The following TMEM178B variants were observed in gnomAD, a reference collection of about 807,000 sequenced individuals.
TMEM178B encodes transmembrane protein 178B.
Under a neutral mutation model 31.0 loss-of-function variants are expected in TMEM178B, and 5 were observed. That is an observed-to-expected ratio of 0.16 (90% CI 0.08 to 0.34). The LOEUF (loss-of-function observed/expected upper bound fraction) is 0.34, where lower values mean the gene tolerates loss of function less well. Ranked by LOEUF, TMEM178B falls within the 10% of genes least tolerant of loss-of-function variation. The probability of loss-of-function intolerance (pLI) is 1.00; values close to 1 mark genes in which losing one functional copy is unlikely to be tolerated. For missense variants in TMEM178B, 275 were observed against 400.3 expected (o/e 0.69, Z 2.67); for synonymous variants, 164 against 164.0 (o/e 1.00, Z 0.00).
At chr7:141,149,415 G>A (rs1241205075) in intron 1 of TMEM178B, among the ~76,000 whole-genome samples, 2 of 152,156 alleles carry the variant, frequency 1.3e-5, no homozygotes, top group East Asian at 1.9e-4. Flanking sequence ...GAGCATGGTG[G>A]TGTACGCTTG....
intron 3 of TMEM178B, among the ~76,000 whole-genome samples, chr7:141,443,706 G>T (rs1801702759): frequency 6.6e-6 from 1 of 152,150 alleles, no homozygotes; most frequent in Non-Finnish European, 1.5e-5. Flanking sequence ...ACCACATGCA[G>T]CCCACGCTTG....
intron 2 of TMEM178B, among the ~76,000 whole-genome samples, chr7:141,427,649 AT>A (rs950592888): frequency 6.6e-6 from 1 of 151,732 alleles, no homozygotes; most frequent in African/African-American, 2.4e-5. Flanking sequence ...CTGGGCAAGG[AT>A]TTTTTTTTAT....
rs115183021 is a variant in TMEM178B at position 141,244,256 on chromosome 7, A to G, written c.496+31552A>G. On this transcript the variant is annotated intron_variant, in intron 2 of 3. Transcript: ENST00000565468. ...TATGTAACATAACTGACGGTGTAAA[A>G]CGTAACTCACGAAACAGGTAACTGT... Among the ~76,000 whole-genome samples the G allele has an allele frequency of 7.0e-3, 1,067 of 152,302 alleles. 12 individuals carry two copies. The highest frequency in any genetic ancestry group is 0.024 in the African/African-American group (1,011 of 41,556).
At chr7:141,436,548 A>G (rs1801544921) in intron 2 of TMEM178B, among the ~76,000 whole-genome samples, 2 of 151,688 alleles carry the variant, frequency 1.3e-5, no homozygotes, top group Middle Eastern at 3.4e-3. Context: ...GGTGAAGGGT[A>G]GAGGGGTGGG....
At chr7:141,292,555 A>ATT (rs1455078741) in intron 2 of TMEM178B, among the ~76,000 whole-genome samples, 2 of 151,880 alleles carry the variant, frequency 1.3e-5, no homozygotes, top group Non-Finnish European at 2.9e-5. Flanking sequence ...CGCATCACTA[A>ATT]TGAACCAATA....
At chr7:141,264,632 T>A (rs531000706) in intron 2 of TMEM178B, among the ~76,000 whole-genome samples, 12 of 151,860 alleles carry the variant, frequency 7.9e-5, no homozygotes, top group African/African-American at 2.7e-4. Context: ...CTGTTCTAGG[T>A]TGTGATTTAC....
intron 2 of TMEM178B, among the ~76,000 whole-genome samples, chr7:141,371,544 A>T (rs1283594175): frequency 6.6e-6 from 1 of 152,234 alleles, no homozygotes; most frequent in Non-Finnish European, 1.5e-5. Context: ...GACACTGTAG[A>T]TACGGAATAA....
chr7:141,215,828 TTCTTTC>T (rs1450561183), intron 2 of TMEM178B, among the ~76,000 whole-genome samples: 2 of 48,910 alleles, frequency 4.1e-5, no homozygotes, highest in African/African-American at 1.0e-4. Context: ...CTTTCTTTCT[TTCTTTC>T]TTTCTTTTCT....
intron 3 of TMEM178B, among the ~76,000 whole-genome samples, chr7:141,440,848 C>T (rs186319212): frequency 6.6e-6 from 1 of 152,248 alleles, no homozygotes; most frequent in East Asian, 1.9e-4. Flanking sequence ...TGTCCTGGTG[C>T]GTTGTTACTT....
At chr7:141,197,039 C>G (rs903650080) in intron 1 of TMEM178B, among the ~76,000 whole-genome samples, 3 of 152,158 alleles carry the variant, frequency 2.0e-5, no homozygotes, top group Non-Finnish European at 4.4e-5. Context: ...TTTGTTAAAC[C>G]ATGACAGATT....
chr7:141,294,452 T>A (rs1405903783), intron 2 of TMEM178B, among the ~76,000 whole-genome samples: 1 of 152,210 alleles, frequency 6.6e-6, no homozygotes, highest in African/African-American at 2.4e-5. Flanking sequence ...CTGGCTGGAC[T>A]ATGTACATAA....
At chr7:141,362,684 T>TTC (rs1282770737) in intron 2 of TMEM178B, among the ~76,000 whole-genome samples, 2 of 152,190 alleles carry the variant, frequency 1.3e-5, no homozygotes, top group Non-Finnish European at 2.9e-5. Context: ...TTTGCTGGCA[T>TTC]TCTGGCTGAA....
At chr7:141,369,772 C>T (rs953737289) in intron 2 of TMEM178B, among the ~76,000 whole-genome samples, 6 of 152,170 alleles carry the variant, frequency 3.9e-5, no homozygotes, top group Non-Finnish European at 5.9e-5. Context: ...GCCGGGATTA[C>T]TTCCTACCTT....
chr7:141,097,637 T>G (rs1218345076), intron 1 of TMEM178B, among the ~76,000 whole-genome samples: 1 of 151,662 alleles, frequency 6.6e-6, no homozygotes, highest in African/African-American at 2.4e-5. Flanking sequence ...CCTGAAATCT[T>G]TAGCATTTTC....
intron 1 of TMEM178B, among the ~76,000 whole-genome samples, chr7:141,090,288 G>T (rs1794860856): frequency 6.6e-6 from 1 of 152,116 alleles, no homozygotes; most frequent in South Asian, 2.1e-4. Flanking sequence ...GACCTCAAGG[G>T]GTCCTCCCAC....
At chr7:141,464,463 T>C (rs868572130) in intron 3 of TMEM178B, among the ~76,000 whole-genome samples, 1 of 152,212 alleles carries the variant, frequency 6.6e-6, no homozygotes, top group Non-Finnish European at 1.5e-5. Flanking sequence ...CTCAGTCTGA[T>C]ACTATTTTCA....
chr7:141,460,547 G>A (rs189384427), intron 3 of TMEM178B, among the ~76,000 whole-genome samples: 2 of 152,326 alleles, frequency 1.3e-5, no homozygotes, highest in Non-Finnish European at 1.5e-5. Context: ...AAAAACCAAG[G>A]GAGAAGACTC....
intron 2 of TMEM178B, among the ~76,000 whole-genome samples, chr7:141,383,167 T>TC (rs1014517121): frequency 6.6e-5 from 10 of 152,182 alleles, no homozygotes; most frequent in Admixed American, 6.5e-4. Context: ...TTTCTTTCTT[T>TC]TTTTTTAAAG....
intron 2 of TMEM178B, among the ~76,000 whole-genome samples, chr7:141,335,819 C>G (rs1799376373): frequency 6.6e-6 from 1 of 151,962 alleles, no homozygotes; most frequent in Admixed American, 6.6e-5. Flanking sequence ...TGTGTGTGTC[C>G]TAGGTAGTTC....
Sources: gnomAD v4.1 joint callset for allele counts (sites outside exome capture counted in the v4.1 genomes callset) on GRCh38, gnomAD v4.1.1 for gene constraint, MANE v1.5 for transcripts, NCBI Gene and HGNC (gene_info 2026-07-23, HGNC 2026-07-21) for gene names.